Variants in HEATR5B observed in about 807,000 individuals in gnomAD.
The protein encoded by HEATR5B is HEAT repeat containing 5B, also known as HEAT repeat-containing protein 5B.
In HEATR5B, 156 loss-of-function variants were observed where a neutral mutation model predicts 224.1. The observed-to-expected ratio is 0.70, with a 90% confidence interval of 0.61 to 0.80. The LOEUF (loss-of-function observed/expected upper bound fraction) is 0.80. Among genes scored for constraint, HEATR5B ranks in the 30% least tolerant of loss-of-function variants. The probability of loss-of-function intolerance (pLI) is 0.00; values close to 1 mark genes in which losing one functional copy is unlikely to be tolerated. For synonymous variants in HEATR5B, 1,027 were observed against 893.0 expected (o/e 1.15, Z -2.68); for missense variants, 2,323 against 2,535.5 (o/e 0.92, Z 1.80).
chr2:37,069,661 C>T (rs1262119492), intron 7 of HEATR5B, among the ~76,000 whole-genome samples: 1 of 152,084 alleles, frequency 6.6e-6, no homozygotes, highest in African/African-American at 2.4e-5. Context: ...TTCTGTTAAG[C>T]AAAATGTAGG....
At chr2:37,008,996 A>C in intron 27 of HEATR5B, 148 bp from the exon 28 acceptor site, 1 of 668,832 alleles carries the variant, frequency 1.5e-6, no homozygotes, top group Non-Finnish European at 2.5e-6. Flanking sequence ...GCGGTGGCTC[A>C]CACCTGTAAT....
rs1179302027 is a variant in HEATR5B, at chr2:37,019,843, T to C, written c.4070A>G (p.Asp1357Gly). ...TTTCGCTATTATATCTGATGGTGTATCTTGTGAAAAGGCTGGTCTTAGAGC... is the reference window on the plus strand; with the variant it reads ...TTTCGCTATTATATCTGATGGTGTACCTTGTGAAAAGGCTGGTCTTAGAGC... ...GAALRPAFSQ[D>G]TPSDIIAKAC... Residue 1357 changes from aspartate (D) to glycine (G), a missense_variant, in exon 26 of 36, where the codon GAT (aspartate) becomes GGT (glycine). Physicochemically the swap from Asp to Gly is moderately conservative, Grantham distance 94 (BLOSUM62 -1). Transcript: ENST00000233099. 5 of 1,610,994 alleles carry C rather than the reference T, an allele frequency of 3.1e-6. No homozygotes were observed. In the South Asian group the frequency reaches 5.5e-5, roughly 18 times the overall value.
At chr2:37,009,597 T>C (rs1226392286) in intron 27 of HEATR5B, among the ~76,000 whole-genome samples, 1 of 151,684 alleles carries the variant, frequency 6.6e-6, no homozygotes, top group Admixed American at 6.6e-5. Context: ...AAAAAAAAAG[T>C]ATATACAACT....
At chr2:37,080,750 A>T (rs1267234155) in intron 2 of HEATR5B, among the ~76,000 whole-genome samples, 2 of 151,992 alleles carry the variant, frequency 1.3e-5, no homozygotes, top group Non-Finnish European at 2.9e-5. Context: ...CAATTAGATG[A>T]TATCACTGAA....
rs1216764316 is a variant in HEATR5B, at chr2:36,990,794, A to G, written c.5551T>C (p.Ser1851Pro). 6.5e-7 allele frequency: 1 copy of G among 1,549,002 alleles called. No homozygotes were observed. The highest frequency in any genetic ancestry group is 8.7e-7 in the Non-Finnish European group (1 of 1,148,072). Reference sequence around the variant, plus strand: ...CTTACTTCATCAGGTGTAGGTACAGAGTCTTCTGAAAATGAAAAATGAAAG... The same window carrying G: ...CTTACTTCATCAGGTGTAGGTACAGGGTCTTCTGAAAATGAAAAATGAAAG... Reference protein sequence around the residue: ...CILEYSQPEDSVPTPDEVSML... With the variant: ...CILEYSQPEDPVPTPDEVSML... The change falls in exon 34 of 36, where the codon TCT becomes CCT. Residue 1851 changes from serine (S) to proline (P), a missense_variant. By Grantham distance (74) the Ser-to-Pro change is moderately conservative. This residue lies in a region of HEATR5B where 844 missense variants were observed against 812.9 expected (regional missense o/e 1.04). Transcript: ENST00000233099.
At chr2:37,006,911 T>C (rs1275714738) in intron 29 of HEATR5B, 139 bp downstream of exon 29, 2 of 689,142 alleles carry the variant, frequency 2.9e-6, no homozygotes, top group Admixed American at 3.2e-5. Flanking sequence ...TAACAATTTA[T>C]AAGGTGAGGT....
intron 21 of HEATR5B, among the ~76,000 whole-genome samples, chr2:37,035,328 A>G (rs1669408474): frequency 6.6e-6 from 1 of 152,164 alleles, no homozygotes; most frequent in East Asian, 1.9e-4. Flanking sequence ...AGATAATCCT[A>G]TCCACCCTGA....
intron 17 of HEATR5B, among the ~76,000 whole-genome samples, chr2:37,053,207 T>A (rs1046253908): frequency 6.6e-6 from 1 of 152,260 alleles, no homozygotes; most frequent in Non-Finnish European, 1.5e-5. Flanking sequence ...TAACCTTCAG[T>A]AGAATATCCG....
chr2:37,047,033 C>A (rs1321784551), intron 18 of HEATR5B, among the ~76,000 whole-genome samples: 2 of 71,196 alleles, frequency 2.8e-5, no homozygotes, highest in Non-Finnish European at 2.5e-5. Flanking sequence ...CAGACTCCAC[C>A]TCAAAAAAAA....
Position 37,002,572 on chromosome 2 carries a change from T to G in HEATR5B, c.5051A>C (p.Asn1684Thr). 1 of 1,611,282 alleles carries G rather than the reference T, an allele frequency of 6.2e-7. No homozygotes were observed. The highest frequency in any genetic ancestry group is 8.5e-7 in the Non-Finnish European group (1 of 1,178,194). Residue 1684 changes from asparagine (N) to threonine (T), a missense_variant and splice_region_variant, in exon 32 of 36, where the codon AAT becomes ACT. Asn to Thr is a moderately conservative substitution (Grantham distance 65). Around this residue, in one of 12 missense-constraint regions of HEATR5B, gnomAD observed 844 missense variants for 812.9 expected, o/e 1.04. Transcript: ENST00000233099. ...DYLQEKRNTL[N>T]EDDMEKEACT... ...GGCCTCTTTTTCCATATCATCTTCA[T>G]CTGAGGTAAAAGATAATTTGGTGAA...
rs941915960 is a variant in HEATR5B at position 37,056,324 on chromosome 2, G to A, written c.2399+116C>T. On this transcript the variant is annotated intron_variant, in intron 16 of 35. Transcript: ENST00000233099. Reference sequence around the variant, plus strand: ...ACATTAGTAAATCTGTAAGAGTACTGTTTTAAGTATTATAATAACTCACTT... The same window carrying A: ...ACATTAGTAAATCTGTAAGAGTACTATTTTAAGTATTATAATAACTCACTT... 9 of 683,588 alleles carry A rather than the reference G, an allele frequency of 1.3e-5. No individual in the cohort carries two copies. In the Admixed American group the frequency reaches 3.0e-4, roughly 23 times the overall value. 42.3% of individuals were successfully genotyped at this position (683,588 alleles called of 1,614,324 possible).
intron 18 of HEATR5B, 76 bp from the exon 19 acceptor site, chr2:37,041,368 A>C: frequency 7.5e-7 from 1 of 1,340,984 alleles, no homozygotes; most frequent in East Asian, 2.3e-5. Context: ...AGTCACACAA[A>C]AACTGGGATT....
chr2:37,009,953 T>C (rs1667686994), intron 27 of HEATR5B, among the ~76,000 whole-genome samples: 1 of 152,178 alleles, frequency 6.6e-6, no homozygotes, highest in African/African-American at 2.4e-5. Flanking sequence ...TTAAATGATA[T>C]TTTGCAATCT....
intron 34 of HEATR5B, among the ~76,000 whole-genome samples, chr2:36,989,088 T>C (rs1247591466): frequency 6.6e-6 from 1 of 152,226 alleles, no homozygotes; most frequent in Admixed American, 6.5e-5. Flanking sequence ...ATTCCTGTAT[T>C]TCTTTTTTCT....
rs555270664 is a variant in HEATR5B, at chr2:37,041,865, GA to G, written c.2697-574del. ...TCATTTTTAATATTAATTATTCCTT[GA>G]AAAGCCAAGACTTATTTGAAATATT... On this transcript the variant is annotated intron_variant, in intron 18 of 35. Transcript: ENST00000233099. Among the ~76,000 whole-genome samples the G allele has an allele frequency of 2.6e-5, 4 of 151,458 alleles. No individual in the cohort carries two copies. The East Asian group carries it at 7.7e-4, about 29-fold the overall frequency.
In HEATR5B at chr2:37,028,717, G is replaced by A; in HGVS notation, c.3565C>T (p.Leu1189=). ...SLAVEKLSHW[L]MLCKDVLAAS... is the part of the protein sequence containing the mutation. ...GCCAGGACATCTTTACAAAGCATTA[G>A]CCAATGAGAAAGTTTTTCTACTGCC... The change falls in exon 23 of 36, where the codon CTA becomes TTA. Residue 1189 remains leucine, a synonymous_variant. Coordinates refer to ENST00000233099, the MANE Select transcript of HEATR5B (RefSeq NM_019024.3). 6.2e-7 allele frequency: 1 copy of A among 1,613,796 alleles called. No individual in the cohort carries two copies. Among genetic ancestry groups the A allele is most frequent in the African/African-American group, 1.3e-5 (1 of 75,014 alleles).
chr2:37,017,185 G>C (rs553866285), intron 26 of HEATR5B, among the ~76,000 whole-genome samples: 1 of 152,288 alleles, frequency 6.6e-6, no homozygotes, highest in Admixed American at 6.5e-5. Context: ...AGGCATTCAA[G>C]ACCATCTTGG....
intron 19 of HEATR5B, 196 bp downstream of exon 19, chr2:37,040,937 G>C (rs1669834033): frequency 1.9e-6 from 1 of 529,898 alleles, no homozygotes; most frequent in Non-Finnish European, 3.3e-6. Context: ...GAATGTATGT[G>C]AATGGGTAAA....
chr2:37,040,521 A>G lies in HEATR5B; in HGVS notation c.2857-3T>C, dbSNP rs1669803899. 4.4e-6 allele frequency: 7 copies of G among 1,591,440 alleles called. No individual in the cohort carries two copies. Among genetic ancestry groups the G allele is most frequent in the Admixed American group, 1.8e-5 (1 of 54,360 alleles). On this transcript the variant is annotated splice_region_variant and splice_polypyrimidine_tract_variant and intron_variant, in intron 19 of 35. Transcript: ENST00000233099. Reference sequence around the variant, plus strand: ...GCAAGTGAATGAAGAGACCAAGTCTAGAATAAAATATAATTTCATTTTAGT... The same window carrying G: ...GCAAGTGAATGAAGAGACCAAGTCTGGAATAAAATATAATTTCATTTTAGT...
Sources: gnomAD v4.1 joint callset for allele counts (sites outside exome capture counted in the v4.1 genomes callset) on GRCh38, gnomAD v4.1.1 for gene constraint, gnomAD v4.1.1 regional missense constraint, MANE v1.5 for transcripts, NCBI Gene and HGNC (gene_info 2026-07-23, HGNC 2026-07-21) for gene names.